The following MCM8 variants were observed in gnomAD, a reference collection of about 807,000 sequenced individuals.
The protein encoded by MCM8 is minichromosome maintenance 8 homologous recombination repair factor, also known as DNA helicase MCM8.
In MCM8, 85 loss-of-function variants were observed where a neutral mutation model predicts 98.9. The observed-to-expected ratio is 0.86, with a 90% confidence interval of 0.72 to 1.03. The LOEUF (loss-of-function observed/expected upper bound fraction) is 1.03. MCM8 is among the 50% of genes least tolerant of loss of function. The probability of loss-of-function intolerance (pLI) is 0.00; values close to 1 mark genes in which losing one functional copy is unlikely to be tolerated. For synonymous variants in MCM8, 352 were observed against 338.6 expected (o/e 1.04, Z -0.44); for missense variants, 951 against 997.8 (o/e 0.95, Z 0.63).
chr20:5,987,438 CT>C, intron 17 of MCM8, 80 bp downstream of exon 17: 2 of 1,149,730 alleles, frequency 1.7e-6, no homozygotes, highest in Non-Finnish European at 2.5e-6. Flanking sequence ...GCCAAGGCTA[CT>C]TTTATTTAGC....
rs755823520 is a variant in MCM8, at chr20:5,997,959, T to C, written c.*3568T>C. ...TCATTTCATTTTTAGGATAGAGATA[T>C]CAAGGTGAGGGTATAACTGAACGAG... On this transcript the variant is annotated 3_prime_UTR_variant, in exon 19 of 19. Transcript: ENST00000610722. 1 of 152,196 alleles carries C rather than the reference T, an allele frequency of 6.6e-6. No homozygotes were observed. The highest frequency in any genetic ancestry group is 1.5e-5 in the Non-Finnish European group (1 of 68,028). 9.4% of individuals were successfully genotyped at this position (152,196 alleles called of 1,614,324 possible). A position where few individuals can be genotyped will look rare whatever the true frequency, so the allele number is the denominator to read the frequency against.
intron 16 of MCM8, among the ~76,000 whole-genome samples, chr20:5,986,832 G>T (rs1479937715): frequency 6.6e-5 from 10 of 151,738 alleles, no homozygotes; most frequent in African/African-American, 1.9e-4. Context: ...GATTTTTTTT[G>T]TTTGTTTGCC....
chr20:5,996,692 T>G lies in MCM8; in HGVS notation c.*2301T>G, dbSNP rs1452762111. The G allele has an allele frequency of 6.6e-6, 1 of 152,234 alleles. No homozygotes were observed. Among genetic ancestry groups the G allele is most frequent in the African/African-American group, 2.4e-5 (1 of 41,466 alleles). The allele number at this position is 152,234 out of a possible 1,614,324, so 9.4% of individuals were successfully genotyped here. A position where few individuals can be genotyped will look rare whatever the true frequency, so the allele number is the denominator to read the frequency against. On this transcript the variant is annotated 3_prime_UTR_variant, in exon 19 of 19. Coordinates refer to ENST00000610722, the MANE Select transcript of MCM8 (RefSeq NM_032485.6). ...AGTCTCAAAGGTTAAGGCTATTATA[T>G]AAATTTATTTTTAAAAAGACATAAA... is the stretch of plus-strand genomic sequence containing the variant.
At chr20:5,951,174 G>A (rs2088812101) in intron 1 of MCM8, 151 bp downstream of exon 1, 1 of 152,214 alleles carries the variant, frequency 6.6e-6, no homozygotes, top group African/African-American at 2.4e-5. Context: ...GTTTGAGAAG[G>A]GTATGGCACG....
chr20:5,954,988 C>A (rs1343192281), intron 4 of MCM8, 114 bp from the exon 5 acceptor site: 2 of 726,806 alleles, frequency 2.8e-6, no homozygotes, highest in Non-Finnish European at 2.2e-6. Context: ...GTCATACTTA[C>A]CATTATCACA....
intron 17 of MCM8, chr20:5,991,320 A>C (rs940927720): frequency 2.6e-5 from 4 of 152,174 alleles, no homozygotes; most frequent in South Asian, 2.1e-4. Flanking sequence ...GCATGTCTGA[A>C]TACTCATGTT....
At chr20:5,974,917 C>T (rs1257214327) in intron 12 of MCM8, among the ~76,000 whole-genome samples, 3 of 152,194 alleles carry the variant, frequency 2.0e-5, no homozygotes, top group African/African-American at 7.2e-5. Flanking sequence ...TACAATGTAG[C>T]CTGACAACAG....
In MCM8 at chr20:5,955,202, G is replaced by C. The variant is rs747801666; in HGVS notation, c.437G>C (p.Arg146Thr). ...ATACCAGATATAGCAACTGAACTAA[G>C]AGATGCACCTGAGAAAACCTTGGCT... is the stretch of plus-strand genomic sequence containing the variant. ...NLIPDIATEL[R>T]DAPEKTLACM... The change falls in exon 5 of 19, where the codon AGA becomes ACA. Residue 146 changes from arginine to threonine, a missense_variant. Transcript: ENST00000610722. The C allele has an allele frequency of 6.2e-7, 1 of 1,613,934 alleles. No individual in the cohort carries two copies.
intron 8 of MCM8, among the ~76,000 whole-genome samples, chr20:5,964,917 C>T (rs1226043809): frequency 1.3e-5 from 2 of 152,202 alleles, no homozygotes; most frequent in African/African-American, 4.8e-5. Flanking sequence ...GTCCCCACAA[C>T]TTGCTGTTAC....
intron 10 of MCM8, 44 bp from the exon 11 acceptor site, chr20:5,971,963 A>T: frequency 6.3e-7 from 1 of 1,575,288 alleles, no homozygotes; most frequent in Non-Finnish European, 8.7e-7. Flanking sequence ...TAATGGATCA[A>T]TGAAGTATAA....
intron 8 of MCM8, among the ~76,000 whole-genome samples, chr20:5,963,802 C>T (rs552312351): frequency 6.6e-6 from 1 of 152,300 alleles, no homozygotes; most frequent in Middle Eastern, 3.4e-3. Context: ...TCCCAAAGTG[C>T]TGGGATTACA....
At chr20:5,967,666 C>A in intron 9 of MCM8, 79 bp downstream of exon 9, 1 of 1,478,778 alleles carries the variant, frequency 6.8e-7, no homozygotes, top group East Asian at 2.3e-5. Flanking sequence ...GCTCCTGAAC[C>A]TCAAATAATT....
rs775350089 is a variant in MCM8, at chr20:5,977,881, G to A, written c.1401G>A (p.Ala467=). 47 of 1,613,850 alleles carry A rather than the reference G, an allele frequency of 2.9e-5. No individual in the cohort carries two copies. Among genetic ancestry groups the A allele is most frequent in the Non-Finnish European group, 3.5e-5 (41 of 1,179,930 alleles). The change falls in exon 13 of 19, where the codon GCG becomes GCA. Residue 467 remains alanine, a synonymous_variant. Coordinates refer to ENST00000610722, the MANE Select transcript of MCM8 (RefSeq NM_032485.6). ...TAAACTTTTTGTTTCCTTAGGCAGC[G>A]TGCAATGTTGCCCCACGTGGCGTGT... is the stretch of plus-strand genomic sequence containing the variant. ...GLGKSQMLQA[A]CNVAPRGVYV...
Position 5,967,981 on chromosome 20 carries a change from C to G in MCM8, c.1179C>G (p.Ile393Met). 6.2e-7 allele frequency: 1 copy of G among 1,612,728 alleles called. No homozygotes were observed. Among genetic ancestry groups the G allele is most frequent in the East Asian group, 2.2e-5 (1 of 44,822 alleles). Residue 393 changes from isoleucine to methionine, a missense_variant, in exon 10 of 19, where the codon ATC becomes ATG. Coordinates refer to ENST00000610722, the MANE Select transcript of MCM8 (RefSeq NM_032485.6). The part of the protein sequence containing the change: ...MEFSLKDLYA[I>M]QEIQAEENLF... Reference sequence around the variant, plus strand: ...TCTCACTTAAAGACCTTTATGCCATCCAAGAGATTCAAGCTGAAGAAAACC... The same window carrying G: ...TCTCACTTAAAGACCTTTATGCCATGCAAGAGATTCAAGCTGAAGAAAACC...
At chr20:5,959,000 C>T (rs140464718) in intron 7 of MCM8, among the ~76,000 whole-genome samples, 6 of 147,692 alleles carry the variant, frequency 4.1e-5, no homozygotes, top group African/African-American at 7.7e-5. Context: ...CTGTTTTTTA[C>T]CTATACCATT....
intron 13 of MCM8, among the ~76,000 whole-genome samples, chr20:5,979,226 C>G (rs2089580043): frequency 6.6e-6 from 1 of 152,140 alleles, no homozygotes; most frequent in African/African-American, 2.4e-5. Flanking sequence ...TTACTTCATT[C>G]TTTACTTCTT....
intron 10 of MCM8, among the ~76,000 whole-genome samples, chr20:5,969,394 C>T (rs2122728544): frequency 6.6e-6 from 1 of 152,130 alleles, no homozygotes; most frequent in East Asian, 1.9e-4. Context: ...GAGTTCGAGA[C>T]CAACCGGACC....
rs768160120 is a variant in MCM8 at position 5,955,187 on chromosome 20, T to C, written c.422T>C (p.Ile141Thr). The change falls in exon 5 of 19, where the codon ATA becomes ACA. Residue 141 changes from isoleucine to threonine, a missense_variant. Ile to Thr is a moderately conservative substitution (Grantham distance 89). Transcript: ENST00000610722. ...GAAGTAACTAACTTGATACCAGATA[T>C]AGCAACTGAACTAAGAGATGCACCT... is the stretch of plus-strand genomic sequence containing the variant. ...GGEVTNLIPD[I>T]ATELRDAPEK... The C allele has an allele frequency of 1.4e-5, 23 of 1,613,840 alleles. No homozygotes were observed. Among genetic ancestry groups the C allele is most frequent in the East Asian group, 2.2e-5 (1 of 44,862 alleles).
intron 17 of MCM8, among the ~76,000 whole-genome samples, chr20:5,991,878 T>C (rs1045830771): frequency 1.6e-5 from 2 of 125,306 alleles, no homozygotes; most frequent in African/African-American, 5.3e-5. Context: ...TTTTCATCTC[T>C]TCAGCTTCGT....
Sources: allele counts gnomAD v4.1 joint callset (sites outside exome capture counted in the v4.1 genomes callset), GRCh38; gene constraint gnomAD v4.1.1; transcripts MANE v1.5; gene names NCBI Gene and HGNC (gene_info 2026-07-23, HGNC 2026-07-21).